Variants in FLNB observed in about 807,000 individuals in gnomAD.
FLNB encodes filamin B.
In FLNB, 111 loss-of-function variants were observed where a neutral mutation model predicts 250.6. The ratio of observed to expected loss-of-function variants is 0.44; its 90% CI spans 0.38 to 0.52. The LOEUF (loss-of-function observed/expected upper bound fraction) is 0.52, where lower values mean the gene tolerates loss of function less well. FLNB is among the 20% of genes least tolerant of loss of function. The pLI is 0.00. For synonymous variants in FLNB, 1,302 were observed against 1,372.1 expected (o/e 0.95, Z 1.13); for missense variants, 2,869 against 3,447.8 (o/e 0.83, Z 4.20).
intron 4 of FLNB, among the ~76,000 whole-genome samples, chr3:58,094,576 C>G: frequency 6.6e-6 from 1 of 152,210 alleles, no homozygotes; most frequent in East Asian, 1.9e-4. Context: ...ACTTATTAAC[C>G]ACATTATTTC....
At chr3:58,119,919 T>G (rs907100874) in intron 19 of FLNB, among the ~76,000 whole-genome samples, 1 of 152,224 alleles carries the variant, frequency 6.6e-6, no homozygotes, top group African/African-American at 2.4e-5. Flanking sequence ...CTTCCAACAG[T>G]GCATCTCGGG....
At chr3:58,097,598 A>G (rs1028098483) in intron 6 of FLNB, among the ~76,000 whole-genome samples, 1 of 152,204 alleles carries the variant, frequency 6.6e-6, no homozygotes, top group Admixed American at 6.5e-5. Flanking sequence ...ATTTTGCTAA[A>G]GGTGTGATGT....
At chr3:58,102,079 C>T in intron 8 of FLNB, 124 bp from the exon 9 acceptor site, 1 of 1,049,860 alleles carries the variant, frequency 9.5e-7, no homozygotes, top group Non-Finnish European at 1.4e-6. Flanking sequence ...TGGTCTTGGG[C>T]AACTACTGCA....
intron 1 of FLNB, among the ~76,000 whole-genome samples, chr3:58,056,390 C>A (rs979206646): frequency 1.3e-4 from 19 of 151,918 alleles, no homozygotes; most frequent in African/African-American, 4.4e-4. Context: ...TGTGAGCCAC[C>A]GCACCCGGCC....
At chr3:58,143,972 G>A (rs1389086502) in intron 32 of FLNB, among the ~76,000 whole-genome samples, 1 of 152,148 alleles carries the variant, frequency 6.6e-6, no homozygotes, top group Non-Finnish European at 1.5e-5. Context: ...TTGGGGCCAG[G>A]TCAGAGGTGG....
chr3:58,150,602 G>A (rs535017897), intron 38 of FLNB: 4 of 324,444 alleles, frequency 1.2e-5, no homozygotes, highest in Admixed American at 4.5e-5. Flanking sequence ...GCAGCCCAGC[G>A]GCATCCTTCT....
At chr3:58,060,998 A>G (rs1042713493) in intron 1 of FLNB, among the ~76,000 whole-genome samples, 1 of 152,144 alleles carries the variant, frequency 6.6e-6, no homozygotes, top group Non-Finnish European at 1.5e-5. Flanking sequence ...TTGGATGGCC[A>G]CTGAGAAAGC....
intron 1 of FLNB, among the ~76,000 whole-genome samples, chr3:58,013,456 C>T (rs2097101786): frequency 6.6e-6 from 1 of 152,202 alleles, no homozygotes; most frequent in African/African-American, 2.4e-5. Context: ...TTCCAAATAA[C>T]CTTAAGTTCT....
Position 58,136,101 on chromosome 3 carries a change from C to T in FLNB, c.4794C>T (p.Asp1598=), listed in dbSNP as rs2097315374. The T allele has an allele frequency of 1.9e-6, 3 of 1,614,112 alleles. No individual in the cohort carries two copies. The highest frequency in any genetic ancestry group is 1.7e-6 in the Non-Finnish European group (2 of 1,180,050). ...YMIGVTYGGD[D]IPLSPYRIRA... ...TTGGAGTCACCTACGGGGGTGACGA[C>T]ATCCCACTTTCTCCTTATCGCATCC... Residue 1598 remains aspartate (D), a synonymous_variant, in exon 28 of 46, where the codon GAC becomes GAT. Transcript: ENST00000295956.
At chr3:58,136,945 T>C (rs940648408) in intron 28 of FLNB, among the ~76,000 whole-genome samples, 14 of 151,988 alleles carry the variant, frequency 9.2e-5, no homozygotes, top group African/African-American at 2.9e-4. Context: ...GGTCTCGAAC[T>C]CCTGGCCTCA....
intron 1 of FLNB, among the ~76,000 whole-genome samples, chr3:58,020,515 G>A (rs574372898): frequency 6.6e-6 from 1 of 152,180 alleles, no homozygotes; most frequent in South Asian, 2.1e-4. Context: ...CTCCCCAGCC[G>A]TCGCAGGGCT....
intron 1 of FLNB, among the ~76,000 whole-genome samples, chr3:58,032,592 G>C (rs571938788): frequency 9.2e-5 from 14 of 152,276 alleles, no homozygotes; most frequent in African/African-American, 3.1e-4. Context: ...TAAAAGTCTA[G>C]AGTAGGGCTG....
At chr3:58,162,911 A>AG (rs1343739665) in intron 42 of FLNB, 1 of 521,180 alleles carries the variant, frequency 1.9e-6, no homozygotes, top group East Asian at 3.3e-5. Flanking sequence ...CTTCTGAGGC[A>AG]GGGGTCAGAG....
rs1208133357 is a variant in FLNB at position 58,169,539 on chromosome 3, C to A, written c.7418-51C>A. The A allele has an allele frequency of 6.9e-7, 1 of 1,457,652 alleles. No homozygotes were observed. Among genetic ancestry groups the A allele is most frequent in the Non-Finnish European group, 9.6e-7 (1 of 1,037,312 alleles). The allele number at this position is 1,457,652 out of a possible 1,614,324, so 90.3% of individuals were successfully genotyped here. ...ACTCGCCTGTCCTCTGGCTGAGAGA[C>A]CCCTCTTGATCTGGCCATTCATGCC... On this transcript the variant is annotated intron_variant, in intron 44 of 45. Transcript: ENST00000295956. The surrounding 1 kb of genome is among the most constrained non-coding windows in gnomAD (Gnocchi z 4.8).
At chr3:58,024,484 AC>A (rs1440252557) in intron 1 of FLNB, among the ~76,000 whole-genome samples, 1 of 151,908 alleles carries the variant, frequency 6.6e-6, no homozygotes, top group Admixed American at 6.6e-5. Flanking sequence ...TAATTCCTGG[AC>A]CTGGGGGTGG....
intron 11 of FLNB, 70 bp downstream of exon 11, chr3:58,105,286 C>CTGGA: frequency 6.2e-7 from 1 of 1,602,762 alleles, no homozygotes; most frequent in Admixed American, 1.7e-5. Flanking sequence ...CTGTGTCAGG[C>CTGGA]TGGATGTTGG....
In FLNB at chr3:58,146,036, G is replaced by A. The variant is rs2097335325; in HGVS notation, c.5541G>A (p.Glu1847=). 6.2e-7 allele frequency: 1 copy of A among 1,614,212 alleles called. No homozygotes were observed. The highest frequency in any genetic ancestry group is 8.5e-7 in the Non-Finnish European group (1 of 1,180,030). ...NKTATFTIVT[E]DAGEGGLDLA... Reference sequence around the variant, plus strand: ...CTGCCACCTTCACCATCGTCACAGAGGATGCAGGAGAAGGTACTGTGTGGT... The same window carrying A: ...CTGCCACCTTCACCATCGTCACAGAAGATGCAGGAGAAGGTACTGTGTGGT... Residue 1847 remains glutamate (E), a synonymous_variant, in exon 33 of 46, where the codon GAG becomes GAA. Coordinates refer to ENST00000295956, the MANE Select transcript of FLNB (RefSeq NM_001457.4).
chr3:58,057,359 C>G (rs1239625045), intron 1 of FLNB, among the ~76,000 whole-genome samples: 1 of 152,182 alleles, frequency 6.6e-6, no homozygotes, highest in Non-Finnish European at 1.5e-5. Flanking sequence ...CTATTAATTT[C>G]ATTTCCTTTC....
Position 58,148,719 on chromosome 3 carries a change from C to CA in FLNB, c.5960dup (p.Asn1987LysfsTer15). The CA allele has an allele frequency of 6.2e-7, 1 of 1,614,044 alleles. No homozygotes were observed. The highest frequency in any genetic ancestry group is 8.5e-7 in the Non-Finnish European group (1 of 1,179,992). On this transcript the variant is annotated frameshift_variant, in exon 36 of 46. Coordinates refer to ENST00000295956, the MANE Select transcript of FLNB (RefSeq NM_001457.4). LOFTEE classifies it high-confidence loss of function. The stretch of plus-strand genomic sequence containing the variant: ...TCAAGAAAAATGGCAACCATGTGGC[C>CA]AACAGCCCCGTGTCTATCATGGTGG...
Sources: allele counts gnomAD v4.1 joint callset (sites outside exome capture counted in the v4.1 genomes callset), GRCh38; gene constraint gnomAD v4.1.1; non-coding constraint Gnocchi (gnomAD v3.1); transcripts MANE v1.5; gene names NCBI Gene and HGNC (gene_info 2026-07-23, HGNC 2026-07-21).